ANAPC1: variants seen among roughly 807,000 people sequenced by gnomAD.
The protein encoded by ANAPC1 is anaphase promoting complex subunit 1.
Under a neutral mutation model 208.0 loss-of-function variants are expected in ANAPC1, and 36 were observed. The ratio of observed to expected loss-of-function variants is 0.17; its 90% CI spans 0.13 to 0.23. The LOEUF is 0.23. Ranked by LOEUF, ANAPC1 falls within the 10% of genes least tolerant of loss-of-function variation. ANAPC1 has a pLI of 1.00. For synonymous variants in ANAPC1, 378 were observed against 695.2 expected (o/e 0.54, Z 7.18); for missense variants, 942 against 2,011.6 (o/e 0.47, Z 10.17).
At chr2:111,858,216 A>C (rs1681840889) in intron 11 of ANAPC1, 90 bp downstream of exon 11, 11 of 935,414 alleles carry the variant, frequency 1.2e-5, no homozygotes, top group Non-Finnish European at 1.7e-5. Flanking sequence ...AAATAAAACT[A>C]CTTAAGCCAA....
intron 42 of ANAPC1, among the ~76,000 whole-genome samples, 193 bp from the exon 43 acceptor site, chr2:111,782,700 G>T (rs568697805): frequency 2.2e-3 from 331 of 152,210 alleles, no homozygotes; most frequent in South Asian, 0.019. Flanking sequence ...TTTTTCTTTG[G>T]TGTCTAGATT....
At chr2:111,826,666 T>A (rs867139885) in intron 21 of ANAPC1, among the ~76,000 whole-genome samples, 1 of 43,980 alleles carries the variant, frequency 2.3e-5, no homozygotes, top group African/African-American at 1.1e-4. Context: ...TATTTATTTA[T>A]TTTTTTTTTT....
At chr2:111,800,551 C>T (rs976413177) in intron 34 of ANAPC1, among the ~76,000 whole-genome samples, 1 of 99,672 alleles carries the variant, frequency 1.0e-5, no homozygotes, top group African/African-American at 4.1e-5. Flanking sequence ...TTTTTAACTC[C>T]CACGCAACAC....
chr2:111,854,711 G>A (rs376079086), intron 13 of ANAPC1, among the ~76,000 whole-genome samples: 19 of 152,214 alleles, frequency 1.2e-4, no homozygotes, highest in East Asian at 9.6e-4. Flanking sequence ...ACAACTTTTC[G>A]TCTGCAGCTT....
intron 9 of ANAPC1, 146 bp from the exon 10 acceptor site, chr2:111,862,744 G>A (rs1682145142): frequency 1.1e-6 from 1 of 918,630 alleles, no homozygotes; most frequent in East Asian, 2.8e-5. Context: ...TTTCAAAAAG[G>A]AGTAGCTATT....
intron 47 of ANAPC1, among the ~76,000 whole-genome samples, chr2:111,771,330 A>C (rs1296669403): frequency 6.6e-6 from 1 of 151,838 alleles, no homozygotes; most frequent in Admixed American, 6.6e-5. Flanking sequence ...ATGAAGGCTA[A>C]AATATCATTA....
Position 111,768,358 on chromosome 2 carries a change from C to G in ANAPC1, c.*933G>C, listed in dbSNP as rs550326075. On this transcript the variant is annotated 3_prime_UTR_variant, in exon 48 of 48. Transcript: ENST00000341068. The stretch of plus-strand genomic sequence containing the variant: ...CCTCTGTAGTAATTTCTTATTTTAT[C>G]TATTTAGAGCAGGCTTCACGTATTA... 6.6e-6 allele frequency: 1 copy of G among 152,040 alleles called. No individual in the cohort carries two copies. Among genetic ancestry groups the G allele is most frequent in the Non-Finnish European group, 1.5e-5 (1 of 67,988 alleles). The allele number at this position is 152,040 out of a possible 1,614,324, so 9.4% of individuals were successfully genotyped here. A position where few individuals can be genotyped will look rare whatever the true frequency, so the allele number is the denominator to read the frequency against.
Position 111,825,117 on chromosome 2 carries a change from T to C in ANAPC1, c.2741+14A>G. On this transcript the variant is annotated intron_variant, in intron 23 of 47. Transcript: ENST00000341068. ...AAGTGTTTGACATAAAAGCACAGTCTAAATAAAAGTCACCTGTTTTCCTCT... is the reference window on the plus strand; with the variant it reads ...AAGTGTTTGACATAAAAGCACAGTCCAAATAAAAGTCACCTGTTTTCCTCT... 1.2e-6 allele frequency: 2 copies of C among 1,613,916 alleles called. No homozygotes were observed. Among genetic ancestry groups the C allele is most frequent in the South Asian group, 2.2e-5 (2 of 91,068 alleles).
chr2:111,773,909 T>C (rs551115843), intron 46 of ANAPC1, among the ~76,000 whole-genome samples: 1 of 151,132 alleles, frequency 6.6e-6, no homozygotes, highest in Non-Finnish European at 1.5e-5. Flanking sequence ...TCAGGAGCCA[T>C]TGAAAAGCTT....
At chr2:111,820,145 T>G (rs1021904790) in intron 26 of ANAPC1, among the ~76,000 whole-genome samples, 3 of 152,216 alleles carry the variant, frequency 2.0e-5, no homozygotes, top group Non-Finnish European at 4.4e-5. Context: ...AATACACAAC[T>G]GATTTCAGAG....
chr2:111,827,268 A>G (rs1476503553), intron 21 of ANAPC1, among the ~76,000 whole-genome samples: 1 of 152,146 alleles, frequency 6.6e-6, no homozygotes, highest in Non-Finnish European at 1.5e-5. Context: ...AGTCTCTCAA[A>G]AGAGTTAAAA....
At chr2:111,846,692 C>T (rs1263984580) in intron 16 of ANAPC1, among the ~76,000 whole-genome samples, 2 of 150,184 alleles carry the variant, frequency 1.3e-5, no homozygotes, top group African/African-American at 4.9e-5. Flanking sequence ...GCTTCAGACT[C>T]CCAAGTAGCT....
intron 13 of ANAPC1, among the ~76,000 whole-genome samples, chr2:111,852,747 A>G (rs1681474412): frequency 6.6e-6 from 1 of 151,786 alleles, no homozygotes; most frequent in African/African-American, 2.4e-5. Flanking sequence ...TGGTTAAGGA[A>G]AAAAAAAACA....
At chr2:111,854,752 A>C (rs1329191255) in intron 13 of ANAPC1, among the ~76,000 whole-genome samples, 1 of 152,198 alleles carries the variant, frequency 6.6e-6, no homozygotes, top group East Asian at 1.9e-4. Context: ...ACAGAATTGA[A>C]GAGAGTTAAG....
intron 1 of ANAPC1, among the ~76,000 whole-genome samples, chr2:111,883,463 G>A (rs369574688): frequency 1.3e-4 from 19 of 150,056 alleles, no homozygotes; most frequent in African/African-American, 4.4e-4. Context: ...ACAGCTACAC[G>A]TAAAAATACT....
chr2:111,876,374 A>C (rs544163495), intron 3 of ANAPC1, among the ~76,000 whole-genome samples: 1 of 152,366 alleles, frequency 6.6e-6, no homozygotes, highest in Admixed American at 6.5e-5. Flanking sequence ...ATCTTTCTCC[A>C]TATTAGCAAG....
chr2:111,794,826 T>G lies in ANAPC1; in HGVS notation c.4365A>C (p.Glu1455Asp), dbSNP rs980475078. 4 of 1,495,370 alleles carry G rather than the reference T, an allele frequency of 2.7e-6. No individual in the cohort carries two copies. In the African/African-American group the frequency reaches 5.5e-5, roughly 21 times the overall value. 92.6% of individuals were successfully genotyped at this position (1,495,370 alleles called of 1,614,324 possible). A position where few individuals can be genotyped will look rare whatever the true frequency, so the allele number is the denominator to read the frequency against. ...CATTATACATCACTTACGACAAAGT[T>G]TCCAAATTCAAATCCTCTGAGCACG... ...ELPCSEDLNL[E>D]TLSQAHVYII... is the part of the protein sequence containing the mutation. Residue 1455 changes from glutamate to aspartate, a missense_variant, in exon 35 of 48, where the codon GAA becomes GAC. Transcript: ENST00000341068.
intron 8 of ANAPC1, among the ~76,000 whole-genome samples, chr2:111,864,462 ACTTTTTTTT>A (rs1558735013): frequency 3.1e-5 from 1 of 32,360 alleles, no homozygotes; most frequent in Non-Finnish European, 9.4e-5. Flanking sequence ...ATATATATAT[ACTTTTTTTT>A]TTTTTTTTTT....
chr2:111,834,645 T>C lies in ANAPC1; in HGVS notation c.2343A>G (p.Glu781=), dbSNP rs371417707. Residue 781 remains glutamate, a synonymous_variant, in exon 19 of 48, where the codon GAA becomes GAG. Coordinates refer to ENST00000341068, the MANE Select transcript of ANAPC1 (RefSeq NM_022662.4). ...GAAGTTCAACAAGTGAACAAATTCC[T>C]TCTCCCATTAGAGTATTCAACTTAA... ...EELKLNTLMG[E]GICSLVELLV... is the part of the protein sequence containing the mutation. The C allele has an allele frequency of 6.8e-6, 11 of 1,609,566 alleles. No individual in the cohort carries two copies. The highest frequency in any genetic ancestry group is 9.3e-6 in the Non-Finnish European group (11 of 1,178,316).
Sources: allele counts gnomAD v4.1 joint callset (sites outside exome capture counted in the v4.1 genomes callset), GRCh38; gene constraint gnomAD v4.1.1; transcripts MANE v1.5; gene names NCBI Gene and HGNC (gene_info 2026-07-23, HGNC 2026-07-21).